The following ZBTB46 variants were observed in gnomAD, a reference collection of about 807,000 sequenced individuals.
ZBTB46 encodes the protein zinc finger and BTB domain containing 46.
A neutral mutation model predicts 44.1 loss-of-function variants in ZBTB46; 8 were observed. That is an observed-to-expected ratio of 0.18 (90% confidence interval 0.11 to 0.33). The LOEUF (loss-of-function observed/expected upper bound fraction) is 0.33, where lower values mean the gene tolerates loss of function less well. Among genes scored for constraint, ZBTB46 ranks in the 10% least tolerant of loss-of-function variants. The pLI is 1.00. For missense variants in ZBTB46, 651 were observed against 847.7 expected (o/e 0.77, Z 2.88); for synonymous variants, 409 against 382.3 (o/e 1.07, Z -0.81).
chr20:63,833,049 T>C (rs1382042722), upstream of ZBTB46, among the ~76,000 whole-genome samples: 1 of 151,934 alleles, frequency 6.6e-6, no homozygotes, highest in Non-Finnish European at 1.5e-5. Context: ...CATGCTCTCT[T>C]GCGCAAAAGA....
intron 3 of ZBTB46, among the ~76,000 whole-genome samples, chr20:63,759,961 C>G (rs967436352): frequency 2.0e-5 from 3 of 152,230 alleles, no homozygotes; most frequent in Admixed American, 2.0e-4. Flanking sequence ...CAAACACTCA[C>G]TTAACCTTGA....
intron 3 of ZBTB46, among the ~76,000 whole-genome samples, chr20:63,765,110 T>A (rs1477786397): frequency 6.6e-6 from 1 of 151,648 alleles, no homozygotes; most frequent in Non-Finnish European, 1.5e-5. Flanking sequence ...TGTGGTTGTG[T>A]GTGTGTGTGC....
chr20:63,827,050 CTCCCCACAGCAG>C (rs1044021348), intron 1 of ZBTB46, among the ~76,000 whole-genome samples: 61 of 152,270 alleles, frequency 4.0e-4, no homozygotes, highest in African/African-American at 1.1e-3. Flanking sequence ...TCCGGTGCCA[CTCCCCACAGCAG>C]TCCCCACAGC....
chr20:63,762,295 C>G (rs1438393723), intron 3 of ZBTB46, among the ~76,000 whole-genome samples: 1 of 152,112 alleles, frequency 6.6e-6, no homozygotes, highest in Non-Finnish European at 1.5e-5. Flanking sequence ...GTTTTAAAAC[C>G]CCCAATTGTA....
At chr20:63,808,993 A>AAG (rs1199744559) in intron 1 of ZBTB46, among the ~76,000 whole-genome samples, 42 of 147,208 alleles carry the variant, frequency 2.9e-4, no homozygotes, top group Non-Finnish European at 3.7e-4. Flanking sequence ...AAAAAAAAAA[A>AAG]AAAAAAGAAA....
At chr20:63,749,582 C>T (rs2092141182) in intron 4 of ZBTB46, among the ~76,000 whole-genome samples, 2 of 152,206 alleles carry the variant, frequency 1.3e-5, no homozygotes, top group Admixed American at 6.5e-5. Context: ...GTGATCTGCC[C>T]GCCTTGGCCT....
intron 3 of ZBTB46, among the ~76,000 whole-genome samples, chr20:63,756,168 T>G (rs2092218782): frequency 6.6e-6 from 1 of 152,210 alleles, no homozygotes; most frequent in South Asian, 2.1e-4. Context: ...TGGCCCTTCC[T>G]CTGTCCCCTC....
rs77654264 is a variant in ZBTB46 at position 63,810,038 on chromosome 20, C to T, written c.-33-19248G>A. The stretch of plus-strand genomic sequence containing the variant: ...AACGTAATGTCAATTACAAAGGTGG[C>T]CGTGACACAGGAGGCCCAGAGTGGG... On this transcript the variant is annotated intron_variant, in intron 1 of 4. Transcript: ENST00000245663. 7.0e-3 allele frequency among the ~76,000 whole-genome samples: 1,060 copies of T among 152,126 alleles called. 30 individuals carry two copies. Among genetic ancestry groups the T allele is most frequent in the Admixed American group, 0.054 (817 of 15,270 alleles).
In ZBTB46 at chr20:63,790,206, C is replaced by T. The variant is rs373212638; in HGVS notation, c.552G>A (p.Ser184=). The T allele has an allele frequency of 2.5e-5, 40 of 1,612,860 alleles. No homozygotes were observed. The highest frequency in any genetic ancestry group is 5.0e-5 in the Admixed American group (3 of 59,954). Residue 184 remains serine, a synonymous_variant, in exon 2 of 5, where the codon TCG becomes TCA. Coordinates refer to ENST00000245663, the MANE Select transcript of ZBTB46 (RefSeq NM_001369741.1). The stretch of plus-strand genomic sequence containing the variant: ...CTCCGTCGTGACAGCTGGCGATGGC[C>T]GAGTCTCCGGAAGAATTGGCAGGAC... ...RTSPANSSGD[S]AIASCHDGGS... is the part of the protein sequence containing the mutation.
At chr20:63,781,078 T>C (rs1161380643) in intron 2 of ZBTB46, among the ~76,000 whole-genome samples, 1 of 147,054 alleles carries the variant, frequency 6.8e-6, no homozygotes, top group East Asian at 2.0e-4. Context: ...GAGGCAGAGT[T>C]TGCAGTGAGC....
At chr20:63,754,437 ATTAGT>A (rs1601396839) in intron 3 of ZBTB46, among the ~76,000 whole-genome samples, 1 of 152,158 alleles carries the variant, frequency 6.6e-6, no homozygotes, top group African/African-American at 2.4e-5. Context: ...GAGTTTTTCT[ATTAGT>A]TTATTTAAAA....
chr20:63,762,974 C>G (rs2092290467), intron 3 of ZBTB46, among the ~76,000 whole-genome samples: 1 of 152,144 alleles, frequency 6.6e-6, no homozygotes, highest in Non-Finnish European at 1.5e-5. Flanking sequence ...TCATCTCCTG[C>G]CTCAGCCTCC....
Position 63,767,950 on chromosome 20 carries a change from C to T in ZBTB46, c.1222+7728G>A, listed in dbSNP as rs969631495. The T allele has an allele frequency of 9.1e-6, 9 of 985,298 alleles. No homozygotes were observed. Among genetic ancestry groups the T allele is most frequent in the East Asian group, 2.3e-4 (2 of 8,822 alleles). The allele number at this position is 985,298 out of a possible 1,614,324, so 61.0% of individuals were successfully genotyped here. ...AGCCAACTCTGGAAGAGGACTGCTCCGCCCAGCTCTCCACGCCATGAGAGG... is the reference window on the plus strand; with the variant it reads ...AGCCAACTCTGGAAGAGGACTGCTCTGCCCAGCTCTCCACGCCATGAGAGG... On this transcript the variant is annotated intron_variant, in intron 3 of 4. Coordinates refer to ENST00000245663, the MANE Select transcript of ZBTB46 (RefSeq NM_001369741.1). The surrounding 1 kb of genome is among the most constrained non-coding windows in gnomAD (Gnocchi z 5.0).
rs796354189 is a variant in ZBTB46, at chr20:63,798,503, C to T, written c.-33-7713G>A. 5.9e-5 allele frequency among the ~76,000 whole-genome samples: 9 copies of T among 151,598 alleles called. No homozygotes were observed. In the East Asian group the frequency reaches 1.4e-3, roughly 23 times the overall value. ...CAGCCTGGCCAACATGGTCAAACCC[C>T]GTCTCTACTAAAAATACAAAAATTA... On this transcript the variant is annotated intron_variant, in intron 1 of 4. Coordinates refer to ENST00000245663, the MANE Select transcript of ZBTB46 (RefSeq NM_001369741.1).
intron 1 of ZBTB46, among the ~76,000 whole-genome samples, chr20:63,820,292 G>A (rs897692976): frequency 6.6e-6 from 1 of 151,840 alleles, no homozygotes; most frequent in Non-Finnish European, 1.5e-5. Context: ...ATAGAGACGG[G>A]GTTCCACTAT....
rs1340056791 is a variant in ZBTB46, at chr20:63,790,136, G to A, written c.622C>T (p.Pro208Ser). ...KEDQEPKADG[P>S]DDVSSQPLWP... ...AGAGGCTGTGAAGAAACATCATCAG[G>A]GCCATCGGCCTTGGGCTCCTGATCC... The change falls in exon 2 of 5, where the codon CCT (proline) becomes TCT (serine). Residue 208 changes from proline (P) to serine (S), a missense_variant. Around this residue, in one of 5 missense-constraint regions of ZBTB46, gnomAD observed 385 missense variants for 423.3 expected, o/e 0.91. Coordinates refer to ENST00000245663, the MANE Select transcript of ZBTB46 (RefSeq NM_001369741.1). 1.2e-6 allele frequency: 2 copies of A among 1,613,852 alleles called. No homozygotes were observed. The highest frequency in any genetic ancestry group is 1.7e-6 in the Non-Finnish European group (2 of 1,180,040).
intron 3 of ZBTB46, among the ~76,000 whole-genome samples, chr20:63,762,521 G>T (rs2092285641): frequency 6.6e-6 from 1 of 152,072 alleles, no homozygotes; most frequent in South Asian, 2.1e-4. Flanking sequence ...CAGGGTGGTG[G>T]CACGCGCCTG....
chr20:63,818,889 AG>A (rs1454134591), intron 1 of ZBTB46, among the ~76,000 whole-genome samples: 13 of 136,360 alleles, frequency 9.5e-5, no homozygotes, highest in African/African-American at 3.5e-4. Flanking sequence ...AAAAAAAAAA[AG>A]AAGGCCAGGC....
At chr20:63,829,963 C>G (rs1289062524) in intron 1 of ZBTB46, among the ~76,000 whole-genome samples, 1 of 152,212 alleles carries the variant, frequency 6.6e-6, no homozygotes, top group Non-Finnish European at 1.5e-5. Context: ...GCGCTAAACA[C>G]GTTTCTAATT....
Sources: allele counts gnomAD v4.1 joint callset (sites outside exome capture counted in the v4.1 genomes callset), GRCh38; gene constraint gnomAD v4.1.1; regional missense constraint gnomAD v4.1.1; non-coding constraint Gnocchi (gnomAD v3.1); transcripts MANE v1.5; gene names NCBI Gene and HGNC (gene_info 2026-07-23, HGNC 2026-07-21).